The following ISM1 variants were observed in gnomAD, a reference collection of about 807,000 sequenced individuals.
The protein encoded by ISM1 is isthmin-1.
ISM1 carries 25 observed loss-of-function variants against 46.3 expected under a neutral mutation model. That is an observed-to-expected ratio of 0.54 (90% CI 0.39 to 0.75). ISM1 has a LOEUF of 0.75. ISM1 is among the 30% of genes least tolerant of loss of function. The pLI, the probability that ISM1 is intolerant of heterozygous loss-of-function variation, is 0.00. For synonymous variants in ISM1, 255 were observed against 256.7 expected, an observed-to-expected ratio of 0.99 and a Z score of 0.06; for missense variants, 536 against 625.4, an observed-to-expected ratio of 0.86 and a Z score of 1.52.
intron 1 of ISM1, among the ~76,000 whole-genome samples, chr20:13,269,655 A>G (rs956791162): frequency 6.6e-6 from 1 of 152,124 alleles, no homozygotes; most frequent in African/African-American, 2.4e-5. Flanking sequence ...TTCTCTTGTT[A>G]AGATCTTGCC....
chr20:13,224,311 C>T (rs1317845469), intron 1 of ISM1, among the ~76,000 whole-genome samples: 1 of 152,180 alleles, frequency 6.6e-6, no homozygotes, highest in African/African-American at 2.4e-5. Flanking sequence ...CTCTGACTCT[C>T]TGAAGGTATT....
chr20:13,253,562 A>C (rs2039890850), intron 1 of ISM1, among the ~76,000 whole-genome samples: 1 of 152,156 alleles, frequency 6.6e-6, no homozygotes, highest in Non-Finnish European at 1.5e-5. Flanking sequence ...AGAGGTTCTC[A>C]GATGTGAGCC....
the ISM1 span, among the ~76,000 whole-genome samples, chr20:13,309,549 C>G: frequency 6.6e-6 from 1 of 152,226 alleles, no homozygotes; most frequent in South Asian, 2.1e-4. Flanking sequence ...GACAAGCATG[C>G]TCACTCTTAC....
At chr20:13,316,713 A>C in the ISM1 span, among the ~76,000 whole-genome samples, 1 of 151,886 alleles carries the variant, frequency 6.6e-6, no homozygotes, top group Non-Finnish European at 1.5e-5. Flanking sequence ...CAGAAAAATC[A>C]TCTGACAAAA....
intron 3 of ISM1, among the ~76,000 whole-genome samples, chr20:13,281,795 T>C (rs938483683): frequency 6.6e-6 from 1 of 152,232 alleles, no homozygotes; most frequent in Non-Finnish European, 1.5e-5. Flanking sequence ...GCACAGCGTT[T>C]GTGGCTTCAC....
chr20:13,293,441 G>C (rs942815433), intron 5 of ISM1, among the ~76,000 whole-genome samples: 12 of 151,632 alleles, frequency 7.9e-5, no homozygotes, highest in African/African-American at 2.7e-4. Context: ...CTACCCAAAA[G>C]TTCTTACTTA....
chr20:13,229,129 TC>T (rs534512854), intron 1 of ISM1, among the ~76,000 whole-genome samples: 42 of 148,412 alleles, frequency 2.8e-4, no homozygotes, highest in Admixed American at 1.3e-3. Context: ...TCCTTATCTT[TC>T]TTCTCTTCTC....
In ISM1 at chr20:13,288,626, T is replaced by C; in HGVS notation, c.730T>C (p.Cys244Arg). Residue 244 changes from cysteine (C) to arginine (R), a missense_variant, in exon 4 of 6, where the codon TGT becomes CGT. Physicochemically the swap from Cys to Arg is radical, Grantham distance 180. Transcript: ENST00000262487. The part of the protein sequence containing the change: ...GNGNQKRTRS[C>R]GYACTATESR... The stretch of plus-strand genomic sequence containing the variant: ...CGGCAACCAGAAACGGACCCGGTCT[T>C]GTGGCTACGCGTGCACTGCAACAGA... 8 of 1,614,022 alleles carry C rather than the reference T, an allele frequency of 5.0e-6. No homozygotes were observed. The highest frequency in any genetic ancestry group is 6.8e-6 in the Non-Finnish European group (8 of 1,179,886).
chr20:13,314,484 T>C, the ISM1 span, among the ~76,000 whole-genome samples: 5 of 151,612 alleles, frequency 3.3e-5, no homozygotes, highest in Middle Eastern at 3.4e-3. Flanking sequence ...ATTTAAAGTA[T>C]TGAGAGAGAG....
At chr20:13,230,756 G>A (rs6105052) in intron 1 of ISM1, among the ~76,000 whole-genome samples, 39,340 of 149,548 alleles carry the variant, frequency 0.26, 5,342 homozygotes, top group African/African-American at 0.35. Flanking sequence ...GAAAAAAAAA[G>A]AAAAGAAAAG....
rs747679398 is a variant in ISM1, at chr20:13,289,637, G to C, written c.787+954G>C. On this transcript the variant is annotated intron_variant, in intron 4 of 5. Transcript: ENST00000262487. The stretch of plus-strand genomic sequence containing the variant: ...AAGAGAAGGAGGAGGAAGAAGAGAA[G>C]GGGAAGGGCATGGAGGAAGAGAAGG... Among the ~76,000 whole-genome samples, 3 of 152,022 alleles carry C rather than the reference G, an allele frequency of 2.0e-5. No homozygotes were observed. In the East Asian group the frequency reaches 5.8e-4, roughly 29 times the overall value.
intron 1 of ISM1, among the ~76,000 whole-genome samples, chr20:13,260,178 A>C (rs1242981046): frequency 6.6e-6 from 1 of 152,240 alleles, no homozygotes; most frequent in Non-Finnish European, 1.5e-5. Flanking sequence ...TGCCGGTGGC[A>C]GGAGCTTTCT....
chr20:13,319,359 A>T, the ISM1 span, among the ~76,000 whole-genome samples: 1 of 152,158 alleles, frequency 6.6e-6, no homozygotes, highest in Non-Finnish European at 1.5e-5. Context: ...TCTACTGCTA[A>T]TCAGAAACTG....
At chr20:13,291,711 C>T (rs781304528) in intron 4 of ISM1, among the ~76,000 whole-genome samples, 1 of 152,178 alleles carries the variant, frequency 6.6e-6, no homozygotes, top group African/African-American at 2.4e-5. Flanking sequence ...TGAAGCATCA[C>T]CAACAATGCT....
At chr20:13,232,725 A>T (rs1387641250) in intron 1 of ISM1, among the ~76,000 whole-genome samples, 1 of 152,238 alleles carries the variant, frequency 6.6e-6, no homozygotes, top group African/African-American at 2.4e-5. Flanking sequence ...GTGCACTCAC[A>T]TAAAGTGTTT....
At chr20:13,224,478 T>TAA (rs752813887) in intron 1 of ISM1, among the ~76,000 whole-genome samples, 11 of 152,204 alleles carry the variant, frequency 7.2e-5, no homozygotes, top group Non-Finnish European at 1.6e-4. Flanking sequence ...CCAGACATTT[T>TAA]AAACCCAAGT....
At chr20:13,321,961 A>T in the ISM1 span, among the ~76,000 whole-genome samples, 4 of 152,190 alleles carry the variant, frequency 2.6e-5, no homozygotes, top group Admixed American at 1.3e-4. Flanking sequence ...GTAAAATATG[A>T]TCATAACGAT....
intron 1 of ISM1, among the ~76,000 whole-genome samples, chr20:13,240,169 G>A (rs538285118): frequency 6.7e-4 from 102 of 152,276 alleles, no homozygotes; most frequent in African/African-American, 2.2e-3. Flanking sequence ...CTTTCATATC[G>A]CGTGGCTGTG....
At chr20:13,222,024 TA>T in intron 1 of ISM1, 110 bp downstream of exon 1, 1 of 1,033,016 alleles carries the variant, frequency 9.7e-7, no homozygotes, top group Non-Finnish European at 1.3e-6. Flanking sequence ...CTGCCCCACC[TA>T]AGAGCAACTG....
Sources: gnomAD v4.1 joint callset for allele counts (sites outside exome capture counted in the v4.1 genomes callset) on GRCh38, gnomAD v4.1.1 for gene constraint, MANE v1.5 for transcripts, NCBI Gene and HGNC (gene_info 2026-07-23, HGNC 2026-07-21) for gene names.